The following CHST11 variants were observed in gnomAD, a reference collection of about 807,000 sequenced individuals.
CHST11 encodes the protein carbohydrate sulfotransferase 11.
A neutral mutation model predicts 30.4 loss-of-function variants in CHST11; 9 were observed. The observed-to-expected ratio is 0.30, with a 90% CI of 0.18 to 0.52. The LOEUF (loss-of-function observed/expected upper bound fraction) is 0.52, where lower values mean the gene tolerates loss of function less well. CHST11 is among the 20% of genes least tolerant of loss of function. CHST11 has a pLI of 0.97. For synonymous variants in CHST11, 152 were observed against 187.8 expected (o/e 0.81, Z 1.56); for missense variants, 348 against 460.6 (o/e 0.76, Z 2.24).
In CHST11 at chr12:104,684,167, C is replaced by T. The variant is rs116763571; in HGVS notation, c.205-72782C>T. On this transcript the variant is annotated intron_variant, in intron 2 of 2. Transcript: ENST00000303694. The stretch of plus-strand genomic sequence containing the variant: ...CTCCTCTTGCAAAACTGTGCGTAGA[C>T]GCATGGGTGTGGCTCTTCCCCCAAA... Among the ~76,000 whole-genome samples, 718 of 152,298 alleles carry T rather than the reference C, an allele frequency of 4.7e-3. 10 individuals carry two copies. The highest frequency in any genetic ancestry group is 0.017 in the African/African-American group (690 of 41,550).
intron 2 of CHST11, among the ~76,000 whole-genome samples, chr12:104,728,809 AAAG>A (rs2040234915): frequency 1.3e-5 from 2 of 152,326 alleles, no homozygotes; most frequent in Non-Finnish European, 2.9e-5. Flanking sequence ...GAGAGGATAA[AAAG>A]AAGCCACTGA....
intron 1 of CHST11, chr12:104,514,295 G>A: frequency 1.1e-6 from 1 of 894,362 alleles, no homozygotes; most frequent in Non-Finnish European, 1.9e-6. Context: ...TTGGAGCGGT[G>A]TTTGGCAGCC....
At chr12:104,464,582 C>T (rs1443226843) in intron 1 of CHST11, among the ~76,000 whole-genome samples, 1 of 152,154 alleles carries the variant, frequency 6.6e-6, no homozygotes, top group African/African-American at 2.4e-5. Flanking sequence ...CGGCTCACTG[C>T]ATCCTCGAAC....
At chr12:104,717,076 G>A (rs2040137207) in intron 2 of CHST11, among the ~76,000 whole-genome samples, 1 of 152,316 alleles carries the variant, frequency 6.6e-6, no homozygotes, top group South Asian at 2.1e-4. Flanking sequence ...TGTGATTACA[G>A]ATTACACAGG....
At chr12:104,697,043 C>A (rs1193970486) in intron 2 of CHST11, among the ~76,000 whole-genome samples, 1 of 152,120 alleles carries the variant, frequency 6.6e-6, no homozygotes, top group Non-Finnish European at 1.5e-5. Flanking sequence ...AAATTGCTTC[C>A]ATTTTTTTAT....
At chr12:104,724,503 G>C (rs2040202347) in intron 2 of CHST11, among the ~76,000 whole-genome samples, 1 of 152,088 alleles carries the variant, frequency 6.6e-6, no homozygotes, top group Non-Finnish European at 1.5e-5. Context: ...ACTTCTGGGT[G>C]GTTTTCTGCC....
At chr12:104,657,427 A>G (rs745842427) in intron 2 of CHST11, among the ~76,000 whole-genome samples, 9 of 152,144 alleles carry the variant, frequency 5.9e-5, no homozygotes, top group Non-Finnish European at 1.2e-4. Context: ...GGAGAGAAGT[A>G]TAAGTCTTTC....
In CHST11 at chr12:104,601,954, C is replaced by T. The variant is rs1566003369; in HGVS notation, c.167C>T (p.Ser56Phe). The change falls in exon 2 of 3, where the codon TCC becomes TTC. Residue 56 changes from serine to phenylalanine, a missense_variant. By Grantham distance (155) the Ser-to-Phe change is radical. Coordinates refer to ENST00000303694, the MANE Select transcript of CHST11 (RefSeq NM_018413.6). ...GTGGACATCTGCTGCCGGAAGGGGT[C>T]CCGAAGCCCCCTGCAGGAACTCTAC... ...FGVDICCRKG[S>F]RSPLQELYNP... The T allele has an allele frequency of 6.2e-7, 1 of 1,614,072 alleles. No homozygotes were observed. The highest frequency in any genetic ancestry group is 2.2e-5 in the East Asian group (1 of 44,870).
chr12:104,515,480 G>A (rs2038013710), intron 1 of CHST11, among the ~76,000 whole-genome samples: 1 of 152,146 alleles, frequency 6.6e-6, no homozygotes. Flanking sequence ...AAATTTCTGA[G>A]GAAGAAATCA....
intron 2 of CHST11, among the ~76,000 whole-genome samples, chr12:104,675,880 T>C (rs79324335): frequency 0.016 from 2,413 of 152,266 alleles, 74 homozygotes; most frequent in African/African-American, 0.056. Context: ...ACCCCTGTTT[T>C]GTGGATGAGG....
Position 104,758,086 on chromosome 12 carries a change from C to A in CHST11, c.*283C>A. 1 of 266,784 alleles carries A rather than the reference C, an allele frequency of 3.7e-6. No individual in the cohort carries two copies. Among genetic ancestry groups the A allele is most frequent in the Non-Finnish European group, 7.1e-6 (1 of 141,618 alleles). 16.5% of individuals were successfully genotyped at this position (266,784 alleles called of 1,614,324 possible). On this transcript the variant is annotated 3_prime_UTR_variant, in exon 3 of 3. Transcript: ENST00000303694. ...CCATGAATTGTGCATTCCATAAATT[C>A]TAATTAATATTATTTATAGTTATTT...
At chr12:104,465,870 A>T (rs990035499) in intron 1 of CHST11, among the ~76,000 whole-genome samples, 26 of 151,946 alleles carry the variant, frequency 1.7e-4, no homozygotes, top group African/African-American at 6.3e-4. Context: ...TTTTAATTTA[A>T]TTTAATTTTT....
In CHST11 at chr12:104,661,587, A is replaced by G. The variant is rs1356941026; in HGVS notation, c.204+59596A>G. Among the ~76,000 whole-genome samples, 3 of 152,120 alleles carry G rather than the reference A, an allele frequency of 2.0e-5. No individual in the cohort carries two copies. In the East Asian group the frequency reaches 5.8e-4, roughly 29 times the overall value. On this transcript the variant is annotated intron_variant, in intron 2 of 2. Coordinates refer to ENST00000303694, the MANE Select transcript of CHST11 (RefSeq NM_018413.6). ...GAGTGCAGTGGCACCATCGCTGCAC[A>G]TTTTAAAAAGCAGCAAACAGCGCTT...
At chr12:104,544,138 AAAAGAAAGAAAGAAAGAAAG>A (rs59116085) in intron 1 of CHST11, among the ~76,000 whole-genome samples, 1 of 71,726 alleles carries the variant, frequency 1.4e-5, no homozygotes, top group African/African-American at 4.9e-5. Flanking sequence ...AAAAAAAAAA[AAAAGAAAGAAAGAAAGAAAG>A]AAAGAAAGAA....
chr12:104,677,014 C>T (rs2039748535), intron 2 of CHST11, among the ~76,000 whole-genome samples: 1 of 152,160 alleles, frequency 6.6e-6, no homozygotes, highest in African/African-American at 2.4e-5. Context: ...ATTTCTTCGC[C>T]CTTCTCCAAC....
intron 1 of CHST11, among the ~76,000 whole-genome samples, chr12:104,472,239 T>G (rs1281864902): frequency 2.6e-5 from 4 of 151,930 alleles, no homozygotes; most frequent in African/African-American, 9.7e-5. Context: ...CCTGAAGTAC[T>G]GGGAGTACAG....
intron 2 of CHST11, among the ~76,000 whole-genome samples, chr12:104,632,424 G>A (rs963963791): frequency 6.6e-6 from 1 of 152,210 alleles, no homozygotes; most frequent in Non-Finnish European, 1.5e-5. Flanking sequence ...TGCAAGGGAA[G>A]TGCCGAGCTA....
chr12:104,668,857 G>C (rs1197145509), intron 2 of CHST11, among the ~76,000 whole-genome samples: 1 of 152,188 alleles, frequency 6.6e-6, no homozygotes, highest in African/African-American at 2.4e-5. Flanking sequence ...ACACAGAGAA[G>C]ACCCAGGCAA....
chr12:104,544,564 G>A (rs970589573), intron 1 of CHST11, among the ~76,000 whole-genome samples: 1 of 151,926 alleles, frequency 6.6e-6, no homozygotes. Context: ...AAAATTAGCT[G>A]GGTGTCATGG....
Sources: allele counts gnomAD v4.1 joint callset (sites outside exome capture counted in the v4.1 genomes callset), GRCh38; gene constraint gnomAD v4.1.1; transcripts MANE v1.5; gene names NCBI Gene and HGNC (gene_info 2026-07-23, HGNC 2026-07-21).